The following PTPRN2 variants were observed in gnomAD, a reference collection of about 807,000 sequenced individuals.
The protein encoded by PTPRN2 is protein tyrosine phosphatase receptor type N2.
In PTPRN2, 74 loss-of-function variants were observed where a neutral mutation model predicts 118.8. That is an observed-to-expected ratio of 0.62 (90% CI 0.52 to 0.76). The LOEUF is 0.76. Among genes scored for constraint, PTPRN2 ranks in the 30% least tolerant of loss-of-function variants. PTPRN2 has a pLI of 0.00. For missense variants in PTPRN2, 1,481 were observed against 1,394.4 expected (o/e 1.06, Z -0.99); for synonymous variants, 641 against 608.0 (o/e 1.05, Z -0.80).
intron 2 of PTPRN2, among the ~76,000 whole-genome samples, chr7:158,484,696 C>T (rs73526890): frequency 4.9e-4 from 75 of 152,308 alleles, no homozygotes; most frequent in African/African-American, 1.7e-3. Context: ...TCATGTCCCC[C>T]GTGACTTTTG....
intron 2 of PTPRN2, among the ~76,000 whole-genome samples, chr7:158,333,939 C>G (rs1303469762): frequency 0.14 from 6,189 of 44,132 alleles, 9 homozygotes; most frequent in Non-Finnish European, 0.17. Context: ...ACCATAAGAG[C>G]TGTCGCCCGC....
At chr7:157,747,322 G>T (rs1230253205) in intron 12 of PTPRN2, among the ~76,000 whole-genome samples, 4 of 138,458 alleles carry the variant, frequency 2.9e-5, no homozygotes, top group Admixed American at 1.5e-4. Context: ...GGGTGATTCT[G>T]AGGCCTGCGT....
At chr7:157,873,860 G>A (rs367591449) in intron 12 of PTPRN2, among the ~76,000 whole-genome samples, 3 of 152,254 alleles carry the variant, frequency 2.0e-5, no homozygotes, top group African/African-American at 4.8e-5. Flanking sequence ...GAAAGCGGAG[G>A]AGGAGGGATG....
At chr7:158,259,133 A>G (rs1236873819) in intron 3 of PTPRN2, among the ~76,000 whole-genome samples, 1 of 152,208 alleles carries the variant, frequency 6.6e-6, no homozygotes, top group Non-Finnish European at 1.5e-5. Flanking sequence ...GTGAGAGCTC[A>G]GTTTCCAAAT....
chr7:158,444,947 G>C (rs961306105), intron 2 of PTPRN2, among the ~76,000 whole-genome samples: 4 of 147,308 alleles, frequency 2.7e-5, no homozygotes, highest in African/African-American at 1.1e-4. Flanking sequence ...GGCCGCACCC[G>C]GCGGGGCACC....
intron 11 of PTPRN2, among the ~76,000 whole-genome samples, chr7:157,976,186 C>T (rs773015353): frequency 3.9e-5 from 6 of 152,210 alleles, no homozygotes; most frequent in African/African-American, 7.2e-5. Context: ...GTTCCCATCG[C>T]GTTATCAGCA....
intron 3 of PTPRN2, among the ~76,000 whole-genome samples, chr7:158,285,420 C>T (rs572251050): frequency 6.6e-6 from 1 of 152,180 alleles, no homozygotes; most frequent in Non-Finnish European, 1.5e-5. Context: ...CAGGGATGTG[C>T]CCACGCCGGC....
intron 3 of PTPRN2, among the ~76,000 whole-genome samples, chr7:158,278,675 C>CA (rs954010291): frequency 6.6e-6 from 1 of 152,236 alleles, no homozygotes; most frequent in African/African-American, 2.4e-5. Context: ...GTGAGTGTTA[C>CA]AGTTTTTAAA....
At chr7:157,705,424 T>C (rs1442855522) in intron 12 of PTPRN2, among the ~76,000 whole-genome samples, 1 of 152,208 alleles carries the variant, frequency 6.6e-6, no homozygotes, top group Non-Finnish European at 1.5e-5. Flanking sequence ...ATGAATTGAG[T>C]GAATCTGACG....
chr7:158,164,970 A>C (rs930358560), intron 6 of PTPRN2, among the ~76,000 whole-genome samples: 5 of 114,934 alleles, frequency 4.4e-5, no homozygotes, highest in Non-Finnish European at 9.6e-5. Context: ...CAAGGTCGCA[A>C]GTGAAGACCC....
intron 11 of PTPRN2, among the ~76,000 whole-genome samples, chr7:157,984,607 T>C (rs1179731089): frequency 1.3e-5 from 2 of 152,008 alleles, no homozygotes; most frequent in Non-Finnish European, 2.9e-5. Context: ...GCTGGCGCTG[T>C]TCCCGCCGCG....
intron 11 of PTPRN2, among the ~76,000 whole-genome samples, chr7:158,070,274 C>T (rs1416753725): frequency 7.0e-6 from 1 of 142,044 alleles, no homozygotes; most frequent in Non-Finnish European, 1.5e-5. Context: ...TGGAGGTGCT[C>T]ATGGTGGAGG....
intron 11 of PTPRN2, among the ~76,000 whole-genome samples, chr7:158,013,717 AG>A (rs1415187531): frequency 6.3e-5 from 8 of 127,740 alleles, no homozygotes; most frequent in African/African-American, 1.8e-4. Flanking sequence ...CCATCCATCC[AG>A]CCAGCCACCC....
chr7:157,664,388 G>C (rs1333755726), intron 13 of PTPRN2, among the ~76,000 whole-genome samples: 1 of 152,270 alleles, frequency 6.6e-6, no homozygotes, highest in Non-Finnish European at 1.5e-5. Flanking sequence ...CCAGGGCACA[G>C]AGCGGGGGCT....
At chr7:157,710,559 C>G (rs1013939444) in intron 12 of PTPRN2, among the ~76,000 whole-genome samples, 1 of 148,400 alleles carries the variant, frequency 6.7e-6, no homozygotes, top group Non-Finnish European at 1.5e-5. Flanking sequence ...GCAGAAGAAC[C>G]CTGTGCAGTG....
intron 12 of PTPRN2, among the ~76,000 whole-genome samples, chr7:157,895,067 G>T (rs1249703685): frequency 1.3e-5 from 2 of 152,186 alleles, no homozygotes; most frequent in African/African-American, 4.8e-5. Flanking sequence ...ACAGGAGGGG[G>T]TCAGCAGATG....
At chr7:157,633,223 CTCCACCTCCTGGGTTCAAGCAA>C (rs1804074329) in intron 14 of PTPRN2, among the ~76,000 whole-genome samples, 1 of 151,970 alleles carries the variant, frequency 6.6e-6, no homozygotes, top group Non-Finnish European at 1.5e-5. Context: ...TCACTGTAAC[CTCCACCTCCTGGGTTCAAGCAA>C]TCCTCCTGCC....
At chr7:158,501,621 G>A (rs372047773) in intron 1 of PTPRN2, among the ~76,000 whole-genome samples, 1 of 152,222 alleles carries the variant, frequency 6.6e-6, no homozygotes, top group African/African-American at 2.4e-5. Context: ...AGACAGCACA[G>A]CAGAGGGAGG....
intron 2 of PTPRN2, among the ~76,000 whole-genome samples, chr7:158,396,026 G>A (rs1812465805): frequency 6.6e-6 from 1 of 152,094 alleles, no homozygotes; most frequent in African/African-American, 2.4e-5. Context: ...CCCTGGCCCA[G>A]GCACGCACAG....
Sources: gnomAD v4.1 joint callset for allele counts (sites outside exome capture counted in the v4.1 genomes callset) on GRCh38, gnomAD v4.1.1 for gene constraint, MANE v1.5 for transcripts, NCBI Gene and HGNC (gene_info 2026-07-23, HGNC 2026-07-21) for gene names.